The following TMOD1 variants were observed in gnomAD, a reference collection of about 807,000 sequenced individuals.
TMOD1 encodes tropomodulin 1, also known as tropomodulin-1.
TMOD1 carries 17 observed loss-of-function variants against 40.6 expected under a neutral mutation model. The observed-to-expected ratio is 0.42, with a 90% CI of 0.29 to 0.63. TMOD1 has a LOEUF of 0.63. TMOD1 is among the 20% of genes least tolerant of loss of function. The pLI, the probability that TMOD1 is intolerant of heterozygous loss-of-function variation, is 0.22. For synonymous variants in TMOD1, 181 were observed against 175.0 expected (o/e 1.03, Z -0.27); for missense variants, 391 against 447.6 (o/e 0.87, Z 1.14).
At position 97,557,306 on chromosome 9, in the gene TMOD1, C is replaced by G. The variant is rs1038570071; in HGVS notation, c.397+3906C>G. ...TTGTAGGTCAGAGGCTGCTGGGAGT[C>G]AGCAAGCACTTGTAATTCGCAGTGC... On this transcript the variant is annotated intron_variant, in intron 4 of 9. Transcript: ENST00000259365. This position sits in a 1 kb window ranked among gnomAD's most constrained non-coding sequence, Gnocchi z 4.4. Among the ~76,000 whole-genome samples, 7 of 152,190 alleles carry G rather than the reference C, an allele frequency of 4.6e-5. No homozygotes were observed. The highest frequency in any genetic ancestry group is 1.0e-4 in the Non-Finnish European group (7 of 68,032).
At chr9:97,593,152 C>G (rs1826035657) in intron 9 of TMOD1, among the ~76,000 whole-genome samples, 1 of 152,188 alleles carries the variant, frequency 6.6e-6, no homozygotes, top group Non-Finnish European at 1.5e-5. Context: ...TGGCTCCTAT[C>G]TCTGGGCTAA....
At chr9:97,591,862 G>A (rs1826009571) in intron 9 of TMOD1, among the ~76,000 whole-genome samples, 1 of 152,116 alleles carries the variant, frequency 6.6e-6, no homozygotes, top group Non-Finnish European at 1.5e-5. Context: ...ACCAAAATCT[G>A]AGCCTAGGAG....
chr9:97,590,739 T>C (rs1291949557), intron 8 of TMOD1, among the ~76,000 whole-genome samples: 2 of 152,162 alleles, frequency 1.3e-5, no homozygotes, highest in East Asian at 1.9e-4. Flanking sequence ...AACTTTGGCA[T>C]TGTCAACTTA....
At chr9:97,538,060 C>T (rs923139725) in intron 2 of TMOD1, among the ~76,000 whole-genome samples, 7 of 152,148 alleles carry the variant, frequency 4.6e-5, no homozygotes, top group African/African-American at 1.7e-4. Flanking sequence ...ATAACAACAT[C>T]CACATTCCTA....
chr9:97,523,428 T>C (rs906207270), intron 1 of TMOD1, among the ~76,000 whole-genome samples: 1 of 152,098 alleles, frequency 6.6e-6, no homozygotes, highest in Non-Finnish European at 1.5e-5. Flanking sequence ...GGCCACGCCA[T>C]TGGGTGACTC....
intron 9 of TMOD1, among the ~76,000 whole-genome samples, chr9:97,598,487 G>A (rs1826164351): frequency 1.3e-5 from 2 of 152,216 alleles, no homozygotes; most frequent in Non-Finnish European, 2.9e-5. Flanking sequence ...AGGCAATGAG[G>A]ATGGCCCTGG....
At chr9:97,555,635 A>G in intron 4 of TMOD1, 1 of 1,551,000 alleles carries the variant, frequency 6.4e-7, no homozygotes, top group Non-Finnish European at 8.7e-7. Context: ...TTGATGTTGG[A>G]CATTTGAAAG....
At chr9:97,532,097 A>T (rs984263171) in intron 2 of TMOD1, among the ~76,000 whole-genome samples, 2 of 152,228 alleles carry the variant, frequency 1.3e-5, no homozygotes, top group Non-Finnish European at 2.9e-5. Context: ...CAGGGCCGTG[A>T]TTCTCCTTTG....
At chr9:97,517,649 A>G (rs1829835808) in intron 1 of TMOD1, 1 of 152,806 alleles carries the variant, frequency 6.5e-6, no homozygotes, top group African/African-American at 2.4e-5. Context: ...CAGGCCCCAC[A>G]CGGGAGAAGA....
intron 1 of TMOD1, among the ~76,000 whole-genome samples, chr9:97,522,427 G>T (rs563701463): frequency 6.6e-6 from 1 of 152,232 alleles, no homozygotes; most frequent in South Asian, 2.1e-4. Flanking sequence ...GTAAGACCTT[G>T]ACTAAACTTA....
At position 97,599,742 on chromosome 9, in the gene TMOD1, T is replaced by A; in HGVS notation, c.*44T>A. 6.2e-7 allele frequency: 1 copy of A among 1,613,688 alleles called. No homozygotes were observed. The highest frequency in any genetic ancestry group is 8.5e-7 in the Non-Finnish European group (1 of 1,179,924). ...ATGCCTTTGAACTGGATGTGTTCTA[T>A]TGATGACCTGTGCTCTGCAGGGGAA... is the stretch of plus-strand genomic sequence containing the variant. On this transcript the variant is annotated 3_prime_UTR_variant, in exon 10 of 10. Coordinates refer to ENST00000259365, the MANE Select transcript of TMOD1 (RefSeq NM_003275.4).
At chr9:97,599,361 A>T (rs1462570433) in intron 9 of TMOD1, among the ~76,000 whole-genome samples, 1 of 152,220 alleles carries the variant, frequency 6.6e-6, no homozygotes, top group African/African-American at 2.4e-5. Context: ...CTGTAAGCAA[A>T]GAAAATAGCC....
At chr9:97,567,307 T>G (rs1275520384) in intron 7 of TMOD1, among the ~76,000 whole-genome samples, 1 of 152,252 alleles carries the variant, frequency 6.6e-6, no homozygotes, top group African/African-American at 2.4e-5. Flanking sequence ...ACAAATGTTT[T>G]TTGGGCATGG....
At chr9:97,551,403 A>G (rs1191978276) in intron 3 of TMOD1, among the ~76,000 whole-genome samples, 1 of 152,130 alleles carries the variant, frequency 6.6e-6, no homozygotes, top group African/African-American at 2.4e-5. Flanking sequence ...TAGGGGTCCA[A>G]CTTCATTCTC....
At chr9:97,506,607 G>T (rs916322264) in intron 1 of TMOD1, among the ~76,000 whole-genome samples, 2 of 152,176 alleles carry the variant, frequency 1.3e-5, no homozygotes, top group Non-Finnish European at 2.9e-5. Context: ...ATCATGATAC[G>T]TAGCTAGTGT....
At chr9:97,555,697 T>C (rs1398699426) in intron 4 of TMOD1, 15 of 1,549,584 alleles carry the variant, frequency 9.7e-6, no homozygotes, top group Non-Finnish European at 1.3e-5. Context: ...CCACCTACCA[T>C]GTCCCAGGTT....
chr9:97,553,399 A>C lies in TMOD1; in HGVS notation c.396A>C (p.Ala132=). 6.2e-7 allele frequency: 1 copy of C among 1,614,204 alleles called. No individual in the cohort carries two copies. Among genetic ancestry groups the C allele is most frequent in the Non-Finnish European group, 8.5e-7 (1 of 1,180,020 alleles). Residue 132 remains alanine, a splice_region_variant and synonymous_variant, in exon 4 of 10, where the codon GCA becomes GCC. Coordinates refer to ENST00000259365, the MANE Select transcript of TMOD1 (RefSeq NM_003275.4). ...CAGATGCAGAACTCTGTGACATTGC[A>C]GGTAAGAGGCGTTCCAGGAGCTTTC... ...NASDAELCDI[A]AILGMHTLMS...
intron 2 of TMOD1, among the ~76,000 whole-genome samples, chr9:97,529,434 G>T (rs181816474): frequency 3.9e-5 from 6 of 151,960 alleles, no homozygotes; most frequent in African/African-American, 1.2e-4. Context: ...GACGTTTCTG[G>T]TTATGCAATT....
Position 97,575,792 on chromosome 9 carries a change from G to A in TMOD1, c.870+6755G>A, listed in dbSNP as rs140149204. 3.3e-3 allele frequency among the ~76,000 whole-genome samples: 506 copies of A among 152,306 alleles called. 1 individual carries two copies. Among genetic ancestry groups the A allele is most frequent in the African/African-American group, 0.012 (487 of 41,568 alleles). ...ACCTAAGGTGTTGGTTGGTAATTTT[G>A]TTCAAGAGCAAATCTGATCTCTTTC... On this transcript the variant is annotated intron_variant, in intron 8 of 9. Coordinates refer to ENST00000259365, the MANE Select transcript of TMOD1 (RefSeq NM_003275.4).
Sources: allele counts gnomAD v4.1 joint callset (sites outside exome capture counted in the v4.1 genomes callset), GRCh38; gene constraint gnomAD v4.1.1; non-coding constraint Gnocchi (gnomAD v3.1); transcripts MANE v1.5; gene names NCBI Gene and HGNC (gene_info 2026-07-23, HGNC 2026-07-21).